VPS33A: variants seen among roughly 807,000 people sequenced by gnomAD.
VPS33A encodes the protein VPS33A core subunit of CORVET and HOPS complexes, also known as vacuolar protein sorting-associated protein 33A.
VPS33A carries 32 observed loss-of-function variants against 71.8 expected under a neutral mutation model. That is an observed-to-expected ratio of 0.45 (90% CI 0.34 to 0.60). The LOEUF (loss-of-function observed/expected upper bound fraction) is 0.60. VPS33A is among the 20% of genes least tolerant of loss of function. The pLI is 0.02. For missense variants in VPS33A, 625 were observed against 748.5 expected, an observed-to-expected ratio of 0.84 and a Z score of 1.92; for synonymous variants, 311 against 292.7, an observed-to-expected ratio of 1.06 and a Z score of -0.64.
chr12:122,262,687 G>A (rs1955012552), intron 3 of VPS33A, among the ~76,000 whole-genome samples: 1 of 150,468 alleles, frequency 6.6e-6, no homozygotes, highest in Non-Finnish European at 1.5e-5. Context: ...TTTAAACTAG[G>A]GCCCTTTTTA....
At chr12:122,237,584 C>T (rs1326607795) in intron 10 of VPS33A, among the ~76,000 whole-genome samples, 9 of 143,880 alleles carry the variant, frequency 6.3e-5, no homozygotes, top group Non-Finnish European at 1.2e-4. Flanking sequence ...TCGCCCAGGC[C>T]GGACTGCGGA....
At position 122,255,813 on chromosome 12, in the gene VPS33A, G is replaced by A. The variant is rs980579630; in HGVS notation, c.484-4714C>T. 2.0e-5 allele frequency among the ~76,000 whole-genome samples: 3 copies of A among 149,176 alleles called. No homozygotes were observed. The Admixed American group carries it at 2.0e-4, about 10-fold the overall frequency. ...CCCCAGATTAACTTTTTTATTTTTCGCTTTTTCTGTGGCCGGGTCTCACTC... is the reference window on the plus strand; with the variant it reads ...CCCCAGATTAACTTTTTTATTTTTCACTTTTTCTGTGGCCGGGTCTCACTC... On this transcript the variant is annotated intron_variant, in intron 4 of 12. Transcript: ENST00000267199.
chr12:122,239,959 A>G lies in VPS33A; in HGVS notation c.1097-14T>C, dbSNP rs1026559843. On this transcript the variant is annotated splice_polypyrimidine_tract_variant and intron_variant, in intron 8 of 12. Coordinates refer to ENST00000267199, the MANE Select transcript of VPS33A (RefSeq NM_022916.6). ...AGTCTTCAGAAGCTAAAATGAAATT[A>G]GCAAATTTGCAACTTAGAAATTAAA... The G allele has an allele frequency of 6.3e-7, 1 of 1,597,566 alleles. No individual in the cohort carries two copies. The highest frequency in any genetic ancestry group is 8.6e-7 in the Non-Finnish European group (1 of 1,166,390).
intron 3 of VPS33A, 145 bp from the exon 4 acceptor site, chr12:122,261,592 G>A (rs1274625734): frequency 5.2e-6 from 4 of 765,884 alleles, no homozygotes; most frequent in Non-Finnish European, 8.3e-6. Context: ...TCTCAGGCCG[G>A]GTGCAGTGGC....
At position 122,232,852 on chromosome 12, in the gene VPS33A, T is replaced by C; in HGVS notation, c.1557A>G (p.Pro519=). The C allele has an allele frequency of 6.2e-7, 1 of 1,614,168 alleles. No individual in the cohort carries two copies. The highest frequency in any genetic ancestry group is 8.5e-7 in the Non-Finnish European group (1 of 1,180,022). Residue 519 remains proline, a synonymous_variant, in exon 12 of 13, where the codon CCA becomes CCG. Coordinates refer to ENST00000267199, the MANE Select transcript of VPS33A (RefSeq NM_022916.6). The part of the protein sequence containing the change: ...RSIEEVLRIL[P]GPHFEERQPL... ...GCTGCCGCTCCTCAAAGTGGGGCCC[T>C]GGGAGGATGCGGAGGACCTCCTCGA...
At chr12:122,265,357 G>A (rs1955053310) in intron 1 of VPS33A, among the ~76,000 whole-genome samples, 1 of 151,870 alleles carries the variant, frequency 6.6e-6, no homozygotes, top group South Asian at 2.1e-4. Flanking sequence ...CATTGCTTTG[G>A]GCCCCTATGA....
rs143536384 is a variant in VPS33A, at chr12:122,266,031, T to C, written c.102+276A>G. On this transcript the variant is annotated intron_variant, in intron 1 of 12. Coordinates refer to ENST00000267199, the MANE Select transcript of VPS33A (RefSeq NM_022916.6). Reference sequence around the variant, plus strand: ...CTCGGCAGGCAGCGGAGGAAACACCTGACGTAAACCAGCTCATCAGCTGCC... The same window carrying C: ...CTCGGCAGGCAGCGGAGGAAACACCCGACGTAAACCAGCTCATCAGCTGCC... 0.041 allele frequency among the ~76,000 whole-genome samples: 6,294 copies of C among 152,310 alleles called. 192 individuals carry two copies. The highest frequency in any genetic ancestry group is 0.084 in the Admixed American group (1,286 of 15,294).
At chr12:122,247,040 A>AG (rs1954786086) in intron 6 of VPS33A, among the ~76,000 whole-genome samples, 1 of 152,208 alleles carries the variant, frequency 6.6e-6, no homozygotes, top group Admixed American at 6.5e-5. Flanking sequence ...AAACTACACA[A>AG]GGGGAAAAAA....
At chr12:122,255,648 T>C (rs535627159) in intron 4 of VPS33A, among the ~76,000 whole-genome samples, 1 of 130,636 alleles carries the variant, frequency 7.7e-6, no homozygotes, top group East Asian at 2.3e-4. Flanking sequence ...GAGGTTGCAG[T>C]GAGCCGAGAT....
chr12:122,263,397 T>G (rs1189176508), intron 3 of VPS33A, among the ~76,000 whole-genome samples, 175 bp downstream of exon 3: 1 of 152,168 alleles, frequency 6.6e-6, no homozygotes, highest in East Asian at 1.9e-4. Context: ...CCATTAACTA[T>G]CTCCACCTCC....
rs1278526770 is a variant in VPS33A at position 122,245,241 on chromosome 12, G to A, written c.776-479C>T. Among the ~76,000 whole-genome samples the A allele has an allele frequency of 2.6e-5, 4 of 152,198 alleles. No homozygotes were observed. In the East Asian group the frequency reaches 7.7e-4, roughly 29 times the overall value. Reference sequence around the variant, plus strand: ...AAGCTTATCACACGCTGTTAGAGAAGCTAGTGGTGGCTTCGTTTTATTTTT... The same window carrying A: ...AAGCTTATCACACGCTGTTAGAGAAACTAGTGGTGGCTTCGTTTTATTTTT... On this transcript the variant is annotated intron_variant, in intron 6 of 12. Coordinates refer to ENST00000267199, the MANE Select transcript of VPS33A (RefSeq NM_022916.6).
intron 4 of VPS33A, among the ~76,000 whole-genome samples, chr12:122,255,030 G>A (rs1044668221): frequency 1.3e-5 from 2 of 149,984 alleles, no homozygotes; most frequent in African/African-American, 2.5e-5. Flanking sequence ...CAGCCTAGGC[G>A]GCAGAGTGAA....
intron 4 of VPS33A, among the ~76,000 whole-genome samples, chr12:122,260,581 G>A (rs1022128009): frequency 6.6e-6 from 1 of 152,090 alleles, no homozygotes; most frequent in African/African-American, 2.4e-5. Flanking sequence ...TTACAGGCAT[G>A]AGCCACTTAC....
intron 11 of VPS33A, among the ~76,000 whole-genome samples, chr12:122,235,167 C>T (rs964943735): frequency 6.6e-6 from 1 of 151,914 alleles, no homozygotes; most frequent in Non-Finnish European, 1.5e-5. Flanking sequence ...GCCATGTTGC[C>T]CAGGCTGGTC....
intron 3 of VPS33A, among the ~76,000 whole-genome samples, chr12:122,263,339 C>A (rs1390625549): frequency 6.6e-6 from 1 of 152,068 alleles, no homozygotes; most frequent in Non-Finnish European, 1.5e-5. Flanking sequence ...ACTATAGTCA[C>A]CCTGTTGTGC....
intron 3 of VPS33A, among the ~76,000 whole-genome samples, chr12:122,263,333 T>A (rs1211805670): frequency 6.6e-6 from 1 of 152,182 alleles, no homozygotes; most frequent in Non-Finnish European, 1.5e-5. Context: ...TTATTAACTA[T>A]AGTCACCCTG....
At chr12:122,252,505 C>T (rs545771918) in intron 4 of VPS33A, among the ~76,000 whole-genome samples, 40 of 152,008 alleles carry the variant, frequency 2.6e-4, no homozygotes, top group Non-Finnish European at 4.7e-4. Flanking sequence ...CTCCTGACCT[C>T]GTGATCCGCC....
intron 6 of VPS33A, chr12:122,249,017 A>G (rs1307212741): frequency 6.6e-6 from 1 of 152,210 alleles, no homozygotes; most frequent in African/African-American, 2.4e-5. Context: ...GCAGCTTTCT[A>G]AAAACTGACC....
intron 6 of VPS33A, among the ~76,000 whole-genome samples, chr12:122,246,290 T>TTTTACTTATTTA (rs1954775261): frequency 2.0e-5 from 3 of 150,952 alleles, no homozygotes; most frequent in Non-Finnish European, 4.4e-5. Context: ...CTCTCTCTTA[T>TTTTACTTATTTA]TTTATTTATT....
Sources: gnomAD v4.1 joint callset for allele counts (sites outside exome capture counted in the v4.1 genomes callset) on GRCh38, gnomAD v4.1.1 for gene constraint, MANE v1.5 for transcripts, NCBI Gene and HGNC (gene_info 2026-07-23, HGNC 2026-07-21) for gene names.